The following CACNB2 variants were observed in gnomAD, a reference collection of about 807,000 sequenced individuals.
CACNB2 encodes the protein voltage-dependent L-type calcium channel subunit beta-2.
In CACNB2, 42 loss-of-function variants were observed where a neutral mutation model predicts 73.3. That is an observed-to-expected ratio of 0.57 (90% CI 0.45 to 0.74). CACNB2 has a LOEUF of 0.74. CACNB2 is among the 30% of genes least tolerant of loss of function. CACNB2 has a pLI of 0.00. For synonymous variants in CACNB2, 348 were observed against 310.3 expected (o/e 1.12, Z -1.28); for missense variants, 940 against 853.0 (o/e 1.10, Z -1.27).
At chr10:18,258,503 G>A (rs556094074) in intron 2 of CACNB2, among the ~76,000 whole-genome samples, 13 of 152,198 alleles carry the variant, frequency 8.5e-5, no homozygotes, top group South Asian at 4.1e-4. Context: ...CGAGGCGGGC[G>A]GATCACGAGG....
At chr10:18,465,226 A>C (rs2047812342) in intron 3 of CACNB2, among the ~76,000 whole-genome samples, 1 of 152,190 alleles carries the variant, frequency 6.6e-6, no homozygotes, top group South Asian at 2.1e-4. Flanking sequence ...GCTACTCAGA[A>C]GGCTGAGGCA....
At chr10:18,182,291 C>G (rs1459730082) in intron 2 of CACNB2, among the ~76,000 whole-genome samples, 1 of 151,796 alleles carries the variant, frequency 6.6e-6, no homozygotes, top group Non-Finnish European at 1.5e-5. Flanking sequence ...CACCATTGTA[C>G]TCCAGCCTGG....
intron 2 of CACNB2, among the ~76,000 whole-genome samples, chr10:18,207,041 C>G (rs531710813): frequency 1.3e-5 from 2 of 152,176 alleles, no homozygotes; most frequent in Admixed American, 6.5e-5. Context: ...CAGAGTCTCA[C>G]TCTGTCACCC....
chr10:18,231,027 G>A (rs1246855174), intron 2 of CACNB2, among the ~76,000 whole-genome samples: 2 of 152,136 alleles, frequency 1.3e-5, no homozygotes, highest in African/African-American at 2.4e-5. Flanking sequence ...GAAAGGATGC[G>A]TCTCAGTGTT....
At chr10:18,462,612 A>G (rs1304160844) in intron 3 of CACNB2, among the ~76,000 whole-genome samples, 1 of 152,120 alleles carries the variant, frequency 6.6e-6, no homozygotes, top group Non-Finnish European at 1.5e-5. Flanking sequence ...ATCTGAGAGG[A>G]CTTTTATACC....
intron 2 of CACNB2, among the ~76,000 whole-genome samples, chr10:18,365,983 C>G (rs1161088803): frequency 6.6e-6 from 1 of 152,194 alleles, no homozygotes; most frequent in Admixed American, 6.5e-5. Flanking sequence ...CACTCACATT[C>G]CCTTCAAATT....
At chr10:18,406,026 A>G (rs2044269146) in intron 3 of CACNB2, among the ~76,000 whole-genome samples, 1 of 152,186 alleles carries the variant, frequency 6.6e-6, no homozygotes, top group Non-Finnish European at 1.5e-5. Flanking sequence ...AATAACCTTC[A>G]ATCTTGAGTC....
chr10:18,196,980 C>T (rs1368113187), intron 2 of CACNB2, among the ~76,000 whole-genome samples: 1 of 151,948 alleles, frequency 6.6e-6, no homozygotes, highest in Non-Finnish European at 1.5e-5. Flanking sequence ...CCTCTCCCCT[C>T]CTCTCCTCCC....
chr10:18,210,081 A>T (rs79348792), intron 2 of CACNB2, among the ~76,000 whole-genome samples: 1 of 152,186 alleles, frequency 6.6e-6, no homozygotes. Context: ...AGGGAATGTC[A>T]TATCCCCGTT....
At position 18,300,388 on chromosome 10, in the gene CACNB2, C is replaced by G. The variant is rs538661481; in HGVS notation, c.214-101536C>G. Among the ~76,000 whole-genome samples, 15 of 152,272 alleles carry G rather than the reference C, an allele frequency of 9.9e-5. No individual in the cohort carries two copies. In the South Asian group the frequency reaches 3.1e-3, roughly 32 times the overall value. On this transcript the variant is annotated intron_variant, in intron 2 of 13. Coordinates refer to ENST00000324631, the MANE Select transcript of CACNB2 (RefSeq NM_201596.3). The stretch of plus-strand genomic sequence containing the variant: ...TGGGTAACAAGTTGACTCCTACACT[C>G]CTGAAATTTCATTGCTGCTACTTCT...
intron 3 of CACNB2, among the ~76,000 whole-genome samples, chr10:18,443,014 GTATA>G (rs71402168): frequency 0.17 from 2,791 of 16,468 alleles, 484 homozygotes; most frequent in East Asian, 0.33. Flanking sequence ...ATATATATAT[GTATA>G]TATATATATA....
chr10:18,323,041 C>A (rs1041462502), intron 2 of CACNB2, among the ~76,000 whole-genome samples: 1 of 145,846 alleles, frequency 6.9e-6, no homozygotes, highest in Non-Finnish European at 1.5e-5. Flanking sequence ...TGGCCCATTG[C>A]TGGCTTCTCC....
At chr10:18,377,958 C>G (rs2042868943) in intron 2 of CACNB2, among the ~76,000 whole-genome samples, 1 of 152,130 alleles carries the variant, frequency 6.6e-6, no homozygotes. Context: ...AGACACAGGG[C>G]CCTTGAACTC....
chr10:18,152,740 CAAA>C (rs57847393), intron 2 of CACNB2, among the ~76,000 whole-genome samples: 1 of 97,464 alleles, frequency 1.0e-5, no homozygotes, highest in African/African-American at 4.1e-5. Context: ...AAACAAAAAA[CAAA>C]ACACTAGCTC....
At chr10:18,226,933 G>A (rs10828326) in intron 2 of CACNB2, among the ~76,000 whole-genome samples, 1 of 152,084 alleles carries the variant, frequency 6.6e-6, no homozygotes, top group African/African-American at 2.4e-5. Context: ...GAAAAAAAGT[G>A]GGGGAGGAGG....
intron 3 of CACNB2, among the ~76,000 whole-genome samples, chr10:18,471,131 C>T (rs1296236947): frequency 2.6e-5 from 4 of 152,058 alleles, no homozygotes; most frequent in African/African-American, 9.7e-5. Context: ...ATGGTGAAAC[C>T]CCATCTCTAC....
chr10:18,363,578 A>C (rs569512608), intron 2 of CACNB2, among the ~76,000 whole-genome samples: 1 of 152,300 alleles, frequency 6.6e-6, no homozygotes, highest in East Asian at 1.9e-4. Context: ...CATTCCCTTC[A>C]GTCTTCTATT....
At chr10:18,235,706 C>T (rs1266828274) in intron 2 of CACNB2, among the ~76,000 whole-genome samples, 1 of 152,140 alleles carries the variant, frequency 6.6e-6, no homozygotes. Flanking sequence ...CTTGGCTCTG[C>T]CTCAGAGCTG....
rs113378427 is a variant in CACNB2 at position 18,179,617 on chromosome 10, T to A, written c.213+28642T>A. On this transcript the variant is annotated intron_variant, in intron 2 of 13. Coordinates refer to ENST00000324631, the MANE Select transcript of CACNB2 (RefSeq NM_201596.3). ...CAAATCAGCAGATTTTTTTTTTTTT[T>A]AATTCAGGGATTTCTTCCAAGTGCT... Among the ~76,000 whole-genome samples, 5 of 150,408 alleles carry A rather than the reference T, an allele frequency of 3.3e-5. No individual in the cohort carries two copies. The South Asian group carries it at 6.3e-4, about 19-fold the overall frequency.
Sources: allele counts gnomAD v4.1 joint callset (sites outside exome capture counted in the v4.1 genomes callset), GRCh38; gene constraint gnomAD v4.1.1; transcripts MANE v1.5; gene names NCBI Gene and HGNC (gene_info 2026-07-23, HGNC 2026-07-21).